The following PIEZO2 variants were observed in gnomAD, a reference collection of about 807,000 sequenced individuals.
PIEZO2 encodes the protein piezo type mechanosensitive ion channel component 2, also known as piezo-type mechanosensitive ion channel component 2.
A neutral mutation model predicts 337.3 loss-of-function variants in PIEZO2; 172 were observed. That is an observed-to-expected ratio of 0.51 (90% CI 0.45 to 0.58). The LOEUF (loss-of-function observed/expected upper bound fraction) is 0.58, where lower values mean the gene tolerates loss of function less well. PIEZO2 is among the 20% of genes least tolerant of loss of function. PIEZO2 has a pLI of 0.00. For synonymous variants in PIEZO2, 1,251 were observed against 1,228.5 expected (o/e 1.02, Z -0.38); for missense variants, 3,028 against 3,391.3 (o/e 0.89, Z 2.66).
chr18:10,675,590 C>A (rs937487663), intron 53 of PIEZO2, among the ~76,000 whole-genome samples: 3 of 152,220 alleles, frequency 2.0e-5, no homozygotes, highest in African/African-American at 7.2e-5. Flanking sequence ...AGCCAAGGGG[C>A]ACTGTTTCTT....
intron 4 of PIEZO2, among the ~76,000 whole-genome samples, chr18:10,880,845 TCATATATATATATATATATATATATATA>T (rs1192794566): frequency 1.3e-5 from 1 of 75,866 alleles, no homozygotes; most frequent in East Asian, 4.4e-4. Flanking sequence ...TTCCCACATA[TCATATATATATATATATATATATATATA>T]TATATATATA....
chr18:10,732,673 T>G (rs1177919257), intron 35 of PIEZO2, among the ~76,000 whole-genome samples: 2 of 152,240 alleles, frequency 1.3e-5, no homozygotes, highest in Non-Finnish European at 2.9e-5. Flanking sequence ...ATTATTCTAT[T>G]TTATGCCAAA....
At chr18:10,835,809 G>A (rs746163675) in intron 7 of PIEZO2, among the ~76,000 whole-genome samples, 21 of 152,246 alleles carry the variant, frequency 1.4e-4, no homozygotes, top group Non-Finnish European at 2.4e-4. Flanking sequence ...CTACGGGCAT[G>A]AGCCAGCGCG....
intron 3 of PIEZO2, among the ~76,000 whole-genome samples, chr18:10,939,986 T>C (rs565029795): frequency 1.2e-4 from 19 of 152,304 alleles, no homozygotes; most frequent in African/African-American, 4.6e-4. Flanking sequence ...ATGACTGTGT[T>C]AGTTCATTAT....
intron 44 of PIEZO2, 21 bp downstream of exon 44, chr18:10,698,904 A>T (rs753888652): frequency 6.5e-7 from 1 of 1,535,716 alleles, no homozygotes; most frequent in East Asian, 2.4e-5. Context: ...TACAGCCTAG[A>T]TATATTGTGT....
chr18:11,000,514 A>C (rs1322194874), intron 2 of PIEZO2, among the ~76,000 whole-genome samples: 2 of 152,162 alleles, frequency 1.3e-5, no homozygotes, highest in African/African-American at 4.8e-5. Context: ...TTCAGGGACA[A>C]GGGAAGAGGA....
intron 7 of PIEZO2, among the ~76,000 whole-genome samples, chr18:10,808,211 C>G (rs1214607381): frequency 6.6e-6 from 1 of 152,162 alleles, no homozygotes; most frequent in Admixed American, 6.5e-5. Flanking sequence ...GCCTTGGCCT[C>G]CCAAGTCGCT....
intron 23 of PIEZO2, among the ~76,000 whole-genome samples, chr18:10,761,414 G>C (rs1475983161): frequency 6.6e-6 from 1 of 152,180 alleles, no homozygotes; most frequent in African/African-American, 2.4e-5. Flanking sequence ...AGTTATCCAA[G>C]GAGGGCAGTT....
At chr18:10,826,122 A>T (rs1396682054) in intron 7 of PIEZO2, among the ~76,000 whole-genome samples, 1 of 152,150 alleles carries the variant, frequency 6.6e-6, no homozygotes, top group Admixed American at 6.5e-5. Context: ...AGTATCAGCC[A>T]TTTCTCCAAG....
rs1489244877 is a variant in PIEZO2 at position 11,101,838 on chromosome 18, C to T, written c.65-35616G>A. Among the ~76,000 whole-genome samples the T allele has an allele frequency of 1.3e-5, 2 of 152,138 alleles. No homozygotes were observed. The highest frequency in any genetic ancestry group is 4.8e-5 in the African/African-American group (2 of 41,388). ...CTACTCCCATGCTAAATTTTTGGGA[C>T]ACACAAGCTCTTGTACTCTTGTACT... is the stretch of plus-strand genomic sequence containing the variant. On this transcript the variant is annotated intron_variant, in intron 1 of 55. Coordinates refer to ENST00000674853, the MANE Select transcript of PIEZO2 (RefSeq NM_001378183.1). The surrounding 1 kb of genome is among the most constrained non-coding windows in gnomAD (Gnocchi z 4.4).
Position 11,148,909 on chromosome 18 carries a change from T to C in PIEZO2, c.-321A>G. On this transcript the variant is annotated 5_prime_UTR_variant, in exon 1 of 56. Transcript: ENST00000674853. The surrounding 1 kb of genome is among the most constrained non-coding windows in gnomAD (Gnocchi z 5.2). ...CGGCGGCGGCTTCTTCAGGGGTAGCTGATGCCGGGGCCTTGGAGAGGGACG... is the reference window on the plus strand; with the variant it reads ...CGGCGGCGGCTTCTTCAGGGGTAGCCGATGCCGGGGCCTTGGAGAGGGACG... 1 of 327,918 alleles carries C rather than the reference T, an allele frequency of 3.0e-6. No homozygotes were observed. The highest frequency in any genetic ancestry group is 5.1e-5 in the Admixed American group (1 of 19,472). The allele number at this position is 327,918 out of a possible 1,614,324, so 20.3% of individuals were successfully genotyped here.
rs57885955 is a variant in PIEZO2, at chr18:11,143,600, AACACACACACACACACAC to A, written c.64+4907_64+4924del. ...AAAATCCTGAGAACTAAAAATCTCT[AACACACACACACACACAC>A]ACACACACACACACACACACACTCT... On this transcript the variant is annotated intron_variant, in intron 1 of 55. Transcript: ENST00000674853. The surrounding 1 kb of genome is among the most constrained non-coding windows in gnomAD (Gnocchi z 4.9). Among the ~76,000 whole-genome samples the A allele has an allele frequency of 2.9e-4, 31 of 106,586 alleles. No homozygotes were observed. The highest frequency in any genetic ancestry group is 1.1e-4 in the Admixed American group (1 of 9,304). The allele number at this position is 106,586 out of a possible 152,430, so 69.9% of individuals were successfully genotyped here.
chr18:10,934,510 T>A (rs1264991296), intron 3 of PIEZO2, among the ~76,000 whole-genome samples: 3 of 152,246 alleles, frequency 2.0e-5, no homozygotes, highest in Non-Finnish European at 4.4e-5. Flanking sequence ...TTTTCATTCC[T>A]ATTTTTAAAT....
rs373973800 is a variant in PIEZO2, at chr18:10,705,438, C to T, written c.5897G>A (p.Arg1966His). 4.3e-4 allele frequency: 654 copies of T among 1,537,242 alleles called. No individual in the cohort carries two copies. Among genetic ancestry groups the T allele is most frequent in the Non-Finnish European group, 5.2e-4 (594 of 1,146,914 alleles). Residue 1966 changes from arginine (R) to histidine (H), a missense_variant, in exon 41 of 56, where the codon CGT becomes CAT. Physicochemically the swap from Arg to His is conservative, Grantham distance 29. Around this residue, in one of 5 missense-constraint regions of PIEZO2, gnomAD observed 1,925 missense variants for 2,051.9 expected, o/e 0.94. Transcript: ENST00000674853. Reference protein sequence around the residue: ...GSQDDSAGKNRMAVSPDDSRT... With the variant: ...GSQDDSAGKNHMAVSPDDSRT... The stretch of plus-strand genomic sequence containing the variant: ...GCTGTCGTCCGGGCTGACTGCCATA[C>T]GGTTCTTGCCTGCAGAGTCGTCCTG...
chr18:11,103,178 G>A (rs757516307), intron 1 of PIEZO2, among the ~76,000 whole-genome samples: 5 of 152,148 alleles, frequency 3.3e-5, no homozygotes, highest in Non-Finnish European at 5.9e-5. Flanking sequence ...TGTGATTCTG[G>A]ACATAAAAAC....
In PIEZO2 at chr18:10,800,518, T is replaced by C; in HGVS notation, c.1240-43A>G. Reference sequence around the variant, plus strand: ...AAAGGGACAACTGTTACAGCAGCTCTGGGTTTTCAATGCAGACATACCCCC... The same window carrying C: ...AAAGGGACAACTGTTACAGCAGCTCCGGGTTTTCAATGCAGACATACCCCC... On this transcript the variant is annotated intron_variant, in intron 10 of 55. Coordinates refer to ENST00000674853, the MANE Select transcript of PIEZO2 (RefSeq NM_001378183.1). 3 of 1,490,418 alleles carry C rather than the reference T, an allele frequency of 2.0e-6. No homozygotes were observed. The South Asian group carries it at 3.9e-5, about 19-fold the overall frequency. 92.3% of individuals were successfully genotyped at this position (1,490,418 alleles called of 1,614,324 possible).
chr18:10,890,463 A>G (rs1003368420), intron 4 of PIEZO2: 6 of 152,250 alleles, frequency 3.9e-5, no homozygotes, highest in Non-Finnish European at 1.5e-5. Context: ...TAAAGGAAAG[A>G]GGTTTAATTT....
chr18:10,985,517 T>C (rs8084941), intron 2 of PIEZO2, among the ~76,000 whole-genome samples: 1 of 152,042 alleles, frequency 6.6e-6, no homozygotes, highest in Non-Finnish European at 1.5e-5. Flanking sequence ...TAATTTCTCA[T>C]GTCTGTATTC....
In PIEZO2 at chr18:11,128,820, T is replaced by C. The variant is rs1158638652; in HGVS notation, c.64+19705A>G. Among the ~76,000 whole-genome samples, 2 of 151,900 alleles carry C rather than the reference T, an allele frequency of 1.3e-5. No homozygotes were observed. The highest frequency in any genetic ancestry group is 4.8e-5 in the African/African-American group (2 of 41,344). Reference sequence around the variant, plus strand: ...CTACACTCAAAAAGAACTGTTTGAGTTCTCTAATTTATATAAACAACAATC... The same window carrying C: ...CTACACTCAAAAAGAACTGTTTGAGCTCTCTAATTTATATAAACAACAATC... On this transcript the variant is annotated intron_variant, in intron 1 of 55. Coordinates refer to ENST00000674853, the MANE Select transcript of PIEZO2 (RefSeq NM_001378183.1). This position sits in a 1 kb window ranked among gnomAD's most constrained non-coding sequence, Gnocchi z 4.1.
Sources: allele counts gnomAD v4.1 joint callset (sites outside exome capture counted in the v4.1 genomes callset), GRCh38; gene constraint gnomAD v4.1.1; regional missense constraint gnomAD v4.1.1; non-coding constraint Gnocchi (gnomAD v3.1); transcripts MANE v1.5; gene names NCBI Gene and HGNC (gene_info 2026-07-23, HGNC 2026-07-21).